Variants in ZFP1 observed in about 807,000 individuals in gnomAD.
ZFP1 encodes the protein zinc finger protein 1 homolog.
ZFP1 carries 32 observed loss-of-function variants against 38.5 expected under a neutral mutation model. That is an observed-to-expected ratio of 0.83 (90% CI 0.63 to 1.12). The LOEUF (loss-of-function observed/expected upper bound fraction) is 1.12, where lower values mean the gene tolerates loss of function less well. Ranked by LOEUF, ZFP1 falls within the 50% of genes most tolerant of loss-of-function variation. The probability of loss-of-function intolerance (pLI) is 0.00; values close to 1 mark genes in which losing one functional copy is unlikely to be tolerated. For synonymous variants in ZFP1, 245 were observed against 168.8 expected (o/e 1.45, Z -3.50); for missense variants, 616 against 480.8 (o/e 1.28, Z -2.63).
intron 2 of ZFP1, among the ~76,000 whole-genome samples, chr16:75,156,364 G>A (rs1010861098): frequency 6.6e-6 from 1 of 152,192 alleles, no homozygotes; most frequent in African/African-American, 2.4e-5. Flanking sequence ...GGCTAAGGCA[G>A]GAGAATCGCT....
the ZFP1 span, among the ~76,000 whole-genome samples, chr16:75,121,721 C>G: frequency 7.9e-5 from 12 of 152,094 alleles, no homozygotes; most frequent in Non-Finnish European, 1.3e-4. Context: ...TAAAAGAGCT[C>G]TAATTAACTG....
chr16:75,123,238 C>T, the ZFP1 span, among the ~76,000 whole-genome samples: 1 of 151,134 alleles, frequency 6.6e-6, no homozygotes, highest in Middle Eastern at 3.2e-3. Context: ...CCTGTAGTCC[C>T]AGCTACTCAG....
chr16:75,165,903 C>G (rs549178704), intron 2 of ZFP1, among the ~76,000 whole-genome samples: 1 of 152,068 alleles, frequency 6.6e-6, no homozygotes, highest in East Asian at 1.9e-4. Flanking sequence ...TTTTAGGCTC[C>G]TTAATGTACC....
the ZFP1 span, among the ~76,000 whole-genome samples, chr16:75,120,947 A>G: frequency 6.6e-6 from 1 of 152,100 alleles, no homozygotes; most frequent in South Asian, 2.1e-4. Flanking sequence ...TTTAAGGAAG[A>G]CTATGGTTTA....
chr16:75,123,683 G>T, the ZFP1 span, among the ~76,000 whole-genome samples: 2 of 150,760 alleles, frequency 1.3e-5, no homozygotes, highest in Admixed American at 1.3e-4. Flanking sequence ...TCACTATGTT[G>T]CCCAGGCTGG....
chr16:75,120,643 C>G, the ZFP1 span, among the ~76,000 whole-genome samples: 2 of 151,666 alleles, frequency 1.3e-5, no homozygotes, highest in African/African-American at 4.9e-5. Context: ...ACTCTGTCGC[C>G]CAGGCTGGAG....
At chr16:75,166,729 C>G (rs1293003309) in intron 2 of ZFP1, 41 bp from the exon 3 acceptor site, 1 of 1,613,476 alleles carries the variant, frequency 6.2e-7, no homozygotes, top group African/African-American at 1.3e-5. Context: ...TCTATATCAC[C>G]AAATGATCAT....
upstream of ZFP1, among the ~76,000 whole-genome samples, chr16:75,147,338 C>G (rs987401153): frequency 1.3e-5 from 2 of 152,102 alleles, no homozygotes; most frequent in African/African-American, 4.8e-5. Flanking sequence ...AGTGCAGTGG[C>G]ACAATCTTGG....
intron 3 of ZFP1, among the ~76,000 whole-genome samples, chr16:75,168,674 T>C (rs1017947529): frequency 6.6e-6 from 1 of 152,348 alleles, no homozygotes; most frequent in Middle Eastern, 3.4e-3. Context: ...GGAGCTCTGC[T>C]ATCTGGTTGT....
the ZFP1 span, among the ~76,000 whole-genome samples, chr16:75,124,386 C>T: frequency 5.3e-5 from 8 of 151,144 alleles, no homozygotes; most frequent in Non-Finnish European, 8.8e-5. Flanking sequence ...TCTTGGACTC[C>T]TGACCTCAGG....
Position 75,172,189 on chromosome 16 carries a change from A to T in ZFP1, c.*1855A>T, listed in dbSNP as rs540306900. On this transcript the variant is annotated 3_prime_UTR_variant, in exon 4 of 4. Coordinates refer to ENST00000570010, the MANE Select transcript of ZFP1 (RefSeq NM_153688.4). ...AAGCAAGAGGGGAGAGAGAGAGTGTATGTGTGTGTGTAGCAGTTTTTATAA... is the reference window on the plus strand; with the variant it reads ...AAGCAAGAGGGGAGAGAGAGAGTGTTTGTGTGTGTGTAGCAGTTTTTATAA... 3 of 152,230 alleles carry T rather than the reference A, an allele frequency of 2.0e-5. No homozygotes were observed. Among genetic ancestry groups the T allele is most frequent in the African/African-American group, 7.2e-5 (3 of 41,546 alleles). The allele number at this position is 152,230 out of a possible 1,614,324, so 9.4% of individuals were successfully genotyped here.
At chr16:75,139,604 A>T in the ZFP1 span, among the ~76,000 whole-genome samples, 1 of 151,952 alleles carries the variant, frequency 6.6e-6, no homozygotes, top group Non-Finnish European at 1.5e-5. Context: ...AGGTGGGAGG[A>T]TTGCTTGAGG....
the ZFP1 span, among the ~76,000 whole-genome samples, chr16:75,126,481 A>C: frequency 4.9e-4 from 74 of 151,164 alleles, no homozygotes; most frequent in African/African-American, 1.7e-3. Context: ...TTGGCTTACT[A>C]CAACCTCTGC....
the ZFP1 span, among the ~76,000 whole-genome samples, chr16:75,139,784 C>A: frequency 6.6e-6 from 1 of 152,022 alleles, no homozygotes; most frequent in African/African-American, 2.4e-5. Flanking sequence ...TTGCCAAGGG[C>A]TGGGGAAGGA....
upstream of ZFP1, among the ~76,000 whole-genome samples, chr16:75,146,341 G>C (rs1045575491): frequency 1.3e-5 from 2 of 151,918 alleles, no homozygotes; most frequent in Admixed American, 1.3e-4. Context: ...TTTTATTTTT[G>C]TATTTTTATT....
intron 2 of ZFP1, among the ~76,000 whole-genome samples, chr16:75,157,892 T>C (rs11648909): frequency 0.78 from 119,131 of 151,880 alleles, 47,888 homozygotes; most frequent in Non-Finnish European, 0.87. Context: ...GCCTCCTGAG[T>C]TCAAGTGATC....
At chr16:75,134,467 C>T in the ZFP1 span, among the ~76,000 whole-genome samples, 1 of 152,012 alleles carries the variant, frequency 6.6e-6, no homozygotes, top group Non-Finnish European at 1.5e-5. Flanking sequence ...AAAAATTAGC[C>T]AGGCCTGGGC....
chr16:75,142,505 C>A, the ZFP1 span, among the ~76,000 whole-genome samples: 1 of 152,182 alleles, frequency 6.6e-6, no homozygotes, highest in Non-Finnish European at 1.5e-5. Context: ...CTACTGTTGT[C>A]ACTCACCAAT....
chr16:75,130,807 C>T, the ZFP1 span, among the ~76,000 whole-genome samples: 1 of 151,372 alleles, frequency 6.6e-6, no homozygotes, highest in Non-Finnish European at 1.5e-5. Context: ...AAGTATTTTA[C>T]AGTTTGATTC....
Sources: gnomAD v4.1 joint callset for allele counts (sites outside exome capture counted in the v4.1 genomes callset) on GRCh38, gnomAD v4.1.1 for gene constraint, MANE v1.5 for transcripts, NCBI Gene and HGNC (gene_info 2026-07-23, HGNC 2026-07-21) for gene names.